Variants in BCAP31 observed in about 807,000 individuals in gnomAD.
BCAP31 encodes the protein B cell receptor associated protein 31.
For missense variants in BCAP31, 124 were observed against 193.0 expected, an observed-to-expected ratio of 0.64 and a Z score of 2.12; for synonymous variants, 75 against 80.9, an observed-to-expected ratio of 0.93 and a Z score of 0.39.
At chrX:153,715,713 A>G (rs957536509) in intron 3 of BCAP31, 24 bp from the exon 4 acceptor site, 7 of 1,208,099 alleles carry the variant, frequency 5.8e-6, no homozygotes, top group Non-Finnish European at 7.8e-6. Flanking sequence ...GAGAGGAGAC[A>G]CGGGCATTTA....
At chrX:153,714,216 T>C (rs781952984) in intron 4 of BCAP31, among the ~76,000 whole-genome samples, 1 of 108,882 alleles carries the variant, frequency 9.2e-6, no homozygotes, top group South Asian at 4.1e-4. Flanking sequence ...CTAGATGCTT[T>C]TCTGGTAGAT....
intron 3 of BCAP31, among the ~76,000 whole-genome samples, chrX:153,718,287 C>T (rs2091642652): frequency 2.2e-5 from 2 of 90,139 alleles, no homozygotes; most frequent in African/African-American, 9.1e-5. Context: ...CACTGCACTG[C>T]AGTCTGGGCA....
chrX:153,708,779 G>A (rs2091570974), intron 4 of BCAP31, among the ~76,000 whole-genome samples: 1 of 112,959 alleles, frequency 8.9e-6, no homozygotes, highest in Non-Finnish European at 1.9e-5. Context: ...AACTGGGAGA[G>A]TCACCTAGAG....
intron 4 of BCAP31, among the ~76,000 whole-genome samples, chrX:153,709,223 AAAG>A (rs2091574214): frequency 2.7e-5 from 3 of 112,096 alleles, no homozygotes; most frequent in African/African-American, 3.2e-5. Flanking sequence ...TCAACCTAAA[AAAG>A]AAGAAAAAGC....
At chrX:153,713,016 G>A (rs782299818) in intron 4 of BCAP31, among the ~76,000 whole-genome samples, 1 of 111,456 alleles carries the variant, frequency 9.0e-6, no homozygotes, top group African/African-American at 3.3e-5. Flanking sequence ...GACCAGCCTG[G>A]CCAACATGGT....
chrX:153,717,227 C>T (rs1557050263), intron 3 of BCAP31, among the ~76,000 whole-genome samples: 1 of 111,910 alleles, frequency 8.9e-6, no homozygotes, highest in African/African-American at 3.3e-5. Flanking sequence ...AGCCTCTGCT[C>T]CTGAAAGAGC....
rs1557051455 is a variant in BCAP31, at chrX:153,723,208, A to T, written c.37T>A (p.Tyr13Asn). 1 of 1,210,785 alleles carries T rather than the reference A, an allele frequency of 8.3e-7. No homozygotes were observed. Among genetic ancestry groups the T allele is most frequent in the Non-Finnish European group, 1.1e-6 (1 of 894,753 alleles). ...AGCAACACAACAAAGACCTCCGCATAGAGGAAGGTGGCAACTGCAGTCCAC... is the reference window on the plus strand; with the variant it reads ...AGCAACACAACAAAGACCTCCGCATTGAGGAAGGTGGCAACTGCAGTCCAC... ...LQWTAVATFL[Y>N]AEVFVVLLLC... The change falls in exon 2 of 8, where the codon TAT becomes AAT. Residue 13 changes from tyrosine (Y) to asparagine (N), a missense_variant. By Grantham distance (143) the Tyr-to-Asn change is moderately radical (BLOSUM62 -2). Coordinates refer to ENST00000345046, the MANE Select transcript of BCAP31 (RefSeq NM_001256447.2).
At chrX:153,711,895 ACT>A (rs1423996086) in intron 4 of BCAP31, among the ~76,000 whole-genome samples, 12 of 72,636 alleles carry the variant, frequency 1.7e-4, no homozygotes, top group African/African-American at 5.6e-4. Flanking sequence ...ACACAGAGAG[ACT>A]CTGTCTCAAA....
chrX:153,723,696 A>T, intron 1 of BCAP31: 1 of 1,150,488 alleles, frequency 8.7e-7, no homozygotes, highest in African/African-American at 1.8e-5. Flanking sequence ...GGCAGAACTC[A>T]GCCGCAGAGG....
chrX:153,703,710 A>G lies in BCAP31; in HGVS notation c.477+249T>C, dbSNP rs73633759. ...GGCCATTTTTCTCAGGGAAGGGTCTAACTGGAAGCAGTGGATGGAAACGAG... is the reference window on the plus strand; with the variant it reads ...GGCCATTTTTCTCAGGGAAGGGTCTGACTGGAAGCAGTGGATGGAAACGAG... On this transcript the variant is annotated intron_variant, in intron 5 of 7. Coordinates refer to ENST00000345046, the MANE Select transcript of BCAP31 (RefSeq NM_001256447.2). Among the ~76,000 whole-genome samples the G allele has an allele frequency of 0.26, 28,857 of 111,474 alleles. 4,984 individuals carry two copies. Among genetic ancestry groups the G allele is most frequent in the African/African-American group, 0.63 (19,301 of 30,442 alleles).
rs1370753595 is a variant in BCAP31, at chrX:153,724,362, C to G, written c.-73G>C. 1 of 133,589 alleles carries G rather than the reference C, an allele frequency of 7.5e-6. No homozygotes were observed. The highest frequency in any genetic ancestry group is 1.5e-5 in the Non-Finnish European group (1 of 67,565). The allele number at this position is 133,589 out of a possible 1,213,427, so 11.0% of individuals were successfully genotyped here. On this transcript the variant is annotated 5_prime_UTR_variant, in exon 1 of 8. Transcript: ENST00000345046. ...GTTTCCCACAGTCAACGTGCAGGCCCCGCCGCAGCAACAGAACTCTCCCAC... is the reference window on the plus strand; with the variant it reads ...GTTTCCCACAGTCAACGTGCAGGCCGCGCCGCAGCAACAGAACTCTCCCAC...
At chrX:153,702,827 C>A in intron 6 of BCAP31, 108 bp downstream of exon 6, 1 of 1,072,198 alleles carries the variant, frequency 9.3e-7, no homozygotes, top group African/African-American at 1.8e-5. Flanking sequence ...AGCCCTCGAG[C>A]GTGCGTGCAA....
At chrX:153,706,742 C>T (rs184828498) in intron 4 of BCAP31, among the ~76,000 whole-genome samples, 16 of 112,583 alleles carry the variant, frequency 1.4e-4, no homozygotes, top group African/African-American at 4.8e-4. Flanking sequence ...CTGACCACCT[C>T]GTGTAGCCCC....
chrX:153,705,274 T>TAC (rs1273175059), intron 4 of BCAP31: 1 of 113,071 alleles, frequency 8.8e-6, no homozygotes, highest in Non-Finnish European at 1.9e-5. Flanking sequence ...CAAGGTGAGC[T>TAC]ACCTCCCTGG....
intron 4 of BCAP31, among the ~76,000 whole-genome samples, chrX:153,707,488 G>C (rs1438003499): frequency 9.0e-6 from 1 of 111,505 alleles, no homozygotes; most frequent in African/African-American, 3.3e-5. Flanking sequence ...TGCACGTAAG[G>C]CTGGACAGAA....
chrX:153,715,798 A>G, intron 3 of BCAP31, 109 bp from the exon 4 acceptor site: 2 of 933,345 alleles, frequency 2.1e-6, no homozygotes, highest in Non-Finnish European at 3.0e-6. Flanking sequence ...CTTCCCTCAA[A>G]TCCGCCTCCC....
chrX:153,715,753 C>A, intron 3 of BCAP31, 64 bp from the exon 4 acceptor site: 1 of 1,151,790 alleles, frequency 8.7e-7, no homozygotes, highest in South Asian at 1.8e-5. Context: ...AAGGCCATAC[C>A]AGGCAGACAG....
At chrX:153,704,201 T>C (rs2091538624) in intron 4 of BCAP31, 107 bp from the exon 5 acceptor site, 15 of 890,732 alleles carry the variant, frequency 1.7e-5, no homozygotes, top group Non-Finnish European at 2.0e-5. Context: ...AGCCTGGACC[T>C]GCCCTCTTGC....
Position 153,718,360 on chromosome X carries a change from T to C in BCAP31, c.193+2512A>G, listed in dbSNP as rs184935176. 7.1e-3 allele frequency among the ~76,000 whole-genome samples: 715 copies of C among 100,733 alleles called. 5 individuals carry two copies. The highest frequency in any genetic ancestry group is 0.011 in the Non-Finnish European group (526 of 49,640). 87.5% of individuals were successfully genotyped at this position (100,733 alleles called of 115,157 possible). On this transcript the variant is annotated intron_variant, in intron 3 of 7. Transcript: ENST00000345046. ...AAAAAGATGTCTAACGTGCAGCAGGTAGAAAAAGCACAATCCAAAGTATTG... is the reference window on the plus strand; with the variant it reads ...AAAAAGATGTCTAACGTGCAGCAGGCAGAAAAAGCACAATCCAAAGTATTG...
Sources: allele counts gnomAD v4.1 joint callset (sites outside exome capture counted in the v4.1 genomes callset), GRCh38; gene constraint gnomAD v4.1.1; transcripts MANE v1.5; gene names NCBI Gene and HGNC (gene_info 2026-07-23, HGNC 2026-07-21).